Variants in RBFOX1 observed in about 807,000 individuals in gnomAD.
RBFOX1 encodes RNA binding protein fox-1 homolog 1.
In RBFOX1, 8 loss-of-function variants were observed where a neutral mutation model predicts 57.7. The ratio of observed to expected loss-of-function variants is 0.14; its 90% confidence interval spans 0.08 to 0.25. RBFOX1 has a LOEUF of 0.25. RBFOX1 is among the 10% of genes least tolerant of loss of function. The probability of loss-of-function intolerance (pLI) is 1.00; values close to 1 mark genes in which losing one functional copy is unlikely to be tolerated. For missense variants in RBFOX1, 611 were observed against 548.5 expected (o/e 1.11, Z -1.14); for synonymous variants, 326 against 222.4 (o/e 1.47, Z -4.15).
intron 7 of RBFOX1, among the ~76,000 whole-genome samples, chr16:7,593,384 G>A (rs751047115): frequency 7.9e-5 from 12 of 151,972 alleles, no homozygotes; most frequent in Non-Finnish European, 1.6e-4. Flanking sequence ...TTTTCCCTTT[G>A]AAGAACAATC....
At chr16:5,659,402 C>A (rs997848972) in intron 3 of RBFOX1, among the ~76,000 whole-genome samples, 12 of 150,088 alleles carry the variant, frequency 8.0e-5, no homozygotes, top group African/African-American at 2.9e-4. Flanking sequence ...CTCCCGGGTT[C>A]ACGTCATTCT....
At chr16:7,253,468 A>G (rs1307770100) in intron 4 of RBFOX1, among the ~76,000 whole-genome samples, 1 of 152,218 alleles carries the variant, frequency 6.6e-6, no homozygotes, top group East Asian at 1.9e-4. Context: ...AGACTTCAGG[A>G]TCAATCCTCT....
At chr16:7,684,946 A>AG (rs1670652155) in intron 14 of RBFOX1, among the ~76,000 whole-genome samples, 1 of 152,018 alleles carries the variant, frequency 6.6e-6, no homozygotes, top group African/African-American at 2.4e-5. Flanking sequence ...ATGGGGGAAA[A>AG]GGAGGATTAA....
chr16:5,736,253 C>T (rs926549541), intron 3 of RBFOX1, among the ~76,000 whole-genome samples: 1 of 152,166 alleles, frequency 6.6e-6, no homozygotes, highest in Non-Finnish European at 1.5e-5. Context: ...CATACCAGGA[C>T]ATCTGTTTTG....
chr16:5,782,572 A>G (rs1035159565), intron 3 of RBFOX1, among the ~76,000 whole-genome samples: 25 of 152,288 alleles, frequency 1.6e-4, no homozygotes, highest in African/African-American at 6.0e-4. Flanking sequence ...CAGTGTCAGG[A>G]TGGGGGATTT....
At chr16:7,000,764 C>G (rs866301950) in intron 3 of RBFOX1, among the ~76,000 whole-genome samples, 7 of 152,010 alleles carry the variant, frequency 4.6e-5, no homozygotes, top group Middle Eastern at 3.4e-3. Context: ...GCCATCATGC[C>G]TGGCTAACTT....
chr16:6,742,348 C>T (rs77465185), intron 3 of RBFOX1, among the ~76,000 whole-genome samples: 3,299 of 152,128 alleles, frequency 0.022, 123 homozygotes, highest in African/African-American at 0.075. Flanking sequence ...TTTACAAGGA[C>T]GCATAGAAAG....
intron 4 of RBFOX1, among the ~76,000 whole-genome samples, chr16:7,489,640 C>T (rs953196191): frequency 6.6e-5 from 10 of 151,948 alleles, no homozygotes; most frequent in African/African-American, 2.4e-5. Flanking sequence ...GTCAGTCTCC[C>T]GAGTAGCTGG....
chr16:6,571,129 G>C (rs559734491), intron 2 of RBFOX1, among the ~76,000 whole-genome samples: 212 of 152,308 alleles, frequency 1.4e-3, no homozygotes, highest in Middle Eastern at 3.4e-3. Flanking sequence ...ATATCTTGGA[G>C]TTGACATCAT....
At chr16:7,235,333 G>A (rs1384899746) in intron 4 of RBFOX1, among the ~76,000 whole-genome samples, 2 of 152,164 alleles carry the variant, frequency 1.3e-5, no homozygotes, top group African/African-American at 4.8e-5. Flanking sequence ...TTCCCTAGTG[G>A]TATTTTTGGC....
rs1018204666 is a variant in RBFOX1, at chr16:6,636,287, C to G, written c.-63-18316C>G. 3.3e-5 allele frequency among the ~76,000 whole-genome samples: 5 copies of G among 152,242 alleles called. No homozygotes were observed. The South Asian group carries it at 1.0e-3, about 32-fold the overall frequency. On this transcript the variant is annotated intron_variant, in intron 2 of 15. Coordinates refer to ENST00000550418, the MANE Select transcript of RBFOX1 (RefSeq NM_018723.4). Reference sequence around the variant, plus strand: ...CCGGGTTCATGCCATTCTCCTGCCTCAGCCTCCCGAGTAGCTGGGACTAGA... The same window carrying G: ...CCGGGTTCATGCCATTCTCCTGCCTGAGCCTCCCGAGTAGCTGGGACTAGA...
intron 3 of RBFOX1, among the ~76,000 whole-genome samples, chr16:6,681,897 C>T (rs913196410): frequency 6.6e-6 from 1 of 152,138 alleles, no homozygotes; most frequent in Non-Finnish European, 1.5e-5. Context: ...TGCTATTCTC[C>T]AGGAATATGC....
At chr16:6,487,162 G>A (rs1055157975) in intron 2 of RBFOX1, among the ~76,000 whole-genome samples, 79 of 151,780 alleles carry the variant, frequency 5.2e-4, no homozygotes, top group Admixed American at 9.2e-4. Flanking sequence ...GTGTGTGTGT[G>A]TGTGTGTGTG....
chr16:6,333,815 A>G (rs2083319246), intron 2 of RBFOX1, among the ~76,000 whole-genome samples: 2 of 152,180 alleles, frequency 1.3e-5, no homozygotes, highest in Non-Finnish European at 1.5e-5. Flanking sequence ...TGTCAGATTT[A>G]TTTATCAGTT....
intron 3 of RBFOX1, among the ~76,000 whole-genome samples, chr16:6,926,221 C>T (rs1469847975): frequency 6.6e-6 from 1 of 152,152 alleles, no homozygotes; most frequent in East Asian, 1.9e-4. Flanking sequence ...GCAGGAGACT[C>T]CCTTGAACCT....
At chr16:7,564,314 T>C (rs968899959) in intron 5 of RBFOX1, among the ~76,000 whole-genome samples, 10 of 151,468 alleles carry the variant, frequency 6.6e-5, no homozygotes, top group Non-Finnish European at 1.3e-4. Context: ...CAGAGGTGGG[T>C]AGATCGCGAG....
At chr16:6,524,602 T>G (rs951885113) in intron 2 of RBFOX1, among the ~76,000 whole-genome samples, 16 of 152,132 alleles carry the variant, frequency 1.1e-4, no homozygotes, top group Admixed American at 7.2e-4. Flanking sequence ...TGTGGAGGAT[T>G]GTGTTTGTGT....
chr16:7,660,645 G>C (rs1019356901), intron 12 of RBFOX1, among the ~76,000 whole-genome samples: 2 of 152,200 alleles, frequency 1.3e-5, no homozygotes, highest in Non-Finnish European at 2.9e-5. Context: ...ACACTTGGAG[G>C]ATGGTGTTGC....
In RBFOX1 at chr16:5,252,646, T is replaced by A. The variant is rs184346737; in HGVS notation, c.219+12541T>A. On this transcript the variant is annotated intron_variant, in intron 1 of 2. Transcript: ENST00000585867. Reference sequence around the variant, plus strand: ...GTCCAGCACCTGCCTGCTCCTGTCTTCTTCACGGGGGATGACTTCCCTGCC... The same window carrying A: ...GTCCAGCACCTGCCTGCTCCTGTCTACTTCACGGGGGATGACTTCCCTGCC... Among the ~76,000 whole-genome samples the A allele has an allele frequency of 7.9e-5, 12 of 152,296 alleles. No homozygotes were observed. The East Asian group carries it at 2.3e-3, about 29-fold the overall frequency.
Sources: gnomAD v4.1 joint callset for allele counts (sites outside exome capture counted in the v4.1 genomes callset) on GRCh38, gnomAD v4.1.1 for gene constraint, MANE v1.5 for transcripts, NCBI Gene and HGNC (gene_info 2026-07-23, HGNC 2026-07-21) for gene names.